The following FHIT variants were observed in gnomAD, a reference collection of about 807,000 sequenced individuals.
FHIT encodes fragile histidine triad diadenosine triphosphatase.
A neutral mutation model predicts 17.9 loss-of-function variants in FHIT; 19 were observed. The observed-to-expected ratio is 1.06, with a 90% CI of 0.74 to 1.56. FHIT has a LOEUF of 1.56. FHIT is among the 40% of genes most tolerant of loss of function. The pLI, the probability that FHIT is intolerant of heterozygous loss-of-function variation, is 0.00. For synonymous variants in FHIT, 81 were observed against 69.7 expected, an observed-to-expected ratio of 1.16 and a Z score of -0.81; for missense variants, 248 against 189.2, an observed-to-expected ratio of 1.31 and a Z score of -1.82.
At chr3:61,087,754 A>G (rs2035351214) in intron 2 of FHIT, among the ~76,000 whole-genome samples, 1 of 152,158 alleles carries the variant, frequency 6.6e-6, no homozygotes, top group Non-Finnish European at 1.5e-5. Context: ...AAGTAGATAC[A>G]GCCTTTATCA....
At chr3:60,732,949 G>C (rs1577133757) in intron 4 of FHIT, among the ~76,000 whole-genome samples, 1 of 152,268 alleles carries the variant, frequency 6.6e-6, no homozygotes, top group African/African-American at 2.4e-5. Context: ...GCATCCCAAA[G>C]TGCTGGGATT....
chr3:60,067,650 C>T lies in FHIT; in HGVS notation c.104-53498G>A, dbSNP rs994598736. On this transcript the variant is annotated intron_variant, in intron 5 of 9. Transcript: ENST00000492590. Reference sequence around the variant, plus strand: ...TGATCTGGGAAGACCTTGTATCTTGCGAAAGTCACTTCTACAGCAACTCAT... The same window carrying T: ...TGATCTGGGAAGACCTTGTATCTTGTGAAAGTCACTTCTACAGCAACTCAT... Among the ~76,000 whole-genome samples the T allele has an allele frequency of 6.6e-5, 10 of 152,212 alleles. No individual in the cohort carries two copies. The East Asian group carries it at 1.2e-3, about 18-fold the overall frequency.
chr3:60,426,412 T>C (rs148940035), intron 5 of FHIT, among the ~76,000 whole-genome samples: 250 of 152,160 alleles, frequency 1.6e-3, no homozygotes, highest in African/African-American at 5.8e-3. Flanking sequence ...ACGAATTCCC[T>C]CCCTACTGCT....
chr3:60,055,423 T>G (rs935518638), intron 5 of FHIT, among the ~76,000 whole-genome samples: 1 of 150,844 alleles, frequency 6.6e-6, no homozygotes, highest in African/African-American at 2.4e-5. Context: ...AGATGCCAAC[T>G]GACAAATGTA....
chr3:60,863,515 G>T (rs1433620932), intron 3 of FHIT, among the ~76,000 whole-genome samples: 1 of 152,122 alleles, frequency 6.6e-6, no homozygotes, highest in Non-Finnish European at 1.5e-5. Context: ...TAAGAAAATA[G>T]GTATTAAAGT....
intron 3 of FHIT, among the ~76,000 whole-genome samples, chr3:60,924,720 C>A (rs968254690): frequency 3.9e-5 from 6 of 152,002 alleles, no homozygotes; most frequent in Non-Finnish European, 5.9e-5. Context: ...ATGACTTTGA[C>A]GAGTTGAGAG....
intron 5 of FHIT, among the ~76,000 whole-genome samples, chr3:60,474,473 G>A (rs534139024): frequency 6.6e-6 from 1 of 152,118 alleles, no homozygotes; most frequent in Non-Finnish European, 1.5e-5. Flanking sequence ...AGTAGTTTTG[G>A]AGTGTTCTAG....
At chr3:61,011,357 A>G (rs951828575) in intron 3 of FHIT, among the ~76,000 whole-genome samples, 3 of 152,190 alleles carry the variant, frequency 2.0e-5, no homozygotes, top group African/African-American at 7.2e-5. Flanking sequence ...GCTCTCACAT[A>G]AAAATTGATC....
intron 5 of FHIT, among the ~76,000 whole-genome samples, chr3:60,521,456 C>G (rs542428077): frequency 6.6e-6 from 1 of 152,198 alleles, no homozygotes; most frequent in South Asian, 2.1e-4. Context: ...ACCGTGTTAG[C>G]CAGGATGGTC....
At chr3:61,105,213 C>A (rs2035955022) in intron 2 of FHIT, among the ~76,000 whole-genome samples, 2 of 150,906 alleles carry the variant, frequency 1.3e-5, no homozygotes, top group African/African-American at 4.8e-5. Flanking sequence ...TACCTTTAAT[C>A]TTTGAGGTTG....
rs12492390 is a variant in FHIT at position 60,194,885 on chromosome 3, G to C, written c.104-180733C>G. 4.1e-3 allele frequency among the ~76,000 whole-genome samples: 626 copies of C among 152,202 alleles called. 17 individuals carry two copies. The highest frequency in any genetic ancestry group is 0.037 in the Admixed American group (568 of 15,280). ...AATGCAAATTAAAACCACAGTGAGG[G>C]CTGGGTGCGGTGGCTCACACCTGTA... is the stretch of plus-strand genomic sequence containing the variant. On this transcript the variant is annotated intron_variant, in intron 5 of 9. Coordinates refer to ENST00000492590, the MANE Select transcript of FHIT (RefSeq NM_002012.4).
At chr3:60,889,158 T>A (rs939921532) in intron 3 of FHIT, among the ~76,000 whole-genome samples, 1 of 152,150 alleles carries the variant, frequency 6.6e-6, no homozygotes, top group Non-Finnish European at 1.5e-5. Context: ...CCACGCTGCA[T>A]AACCATTTTT....
intron 8 of FHIT, among the ~76,000 whole-genome samples, chr3:59,829,747 T>C (rs557425259): frequency 6.6e-6 from 1 of 152,208 alleles, no homozygotes; most frequent in South Asian, 2.1e-4. Context: ...ACTCTCCAGC[T>C]CTCTCTTATT....
chr3:60,792,156 TCA>T (rs1333306056), intron 4 of FHIT, among the ~76,000 whole-genome samples: 1 of 152,180 alleles, frequency 6.6e-6, no homozygotes, highest in Non-Finnish European at 1.5e-5. Flanking sequence ...CAAGACCTCC[TCA>T]CACTCCTCTT....
intron 5 of FHIT, among the ~76,000 whole-genome samples, chr3:60,271,311 G>A (rs1413615553): frequency 6.6e-6 from 1 of 152,146 alleles, no homozygotes; most frequent in East Asian, 1.9e-4. Context: ...GCTGAGGCAG[G>A]TGAATCGCTT....
chr3:59,943,366 A>G (rs1706629207), intron 7 of FHIT, among the ~76,000 whole-genome samples: 1 of 152,262 alleles, frequency 6.6e-6, no homozygotes, highest in African/African-American at 2.4e-5. Flanking sequence ...CTTTAAATAA[A>G]TCAGCAACGA....
At chr3:60,928,407 G>A (rs11130797) in intron 3 of FHIT, among the ~76,000 whole-genome samples, 38,325 of 149,576 alleles carry the variant, frequency 0.26, 5,982 homozygotes, top group East Asian at 0.61. Context: ...AATTAGCCAG[G>A]CATGGTGGAG....
chr3:60,347,919 C>A (rs762892630), intron 5 of FHIT, among the ~76,000 whole-genome samples: 2 of 151,912 alleles, frequency 1.3e-5, no homozygotes, highest in African/African-American at 4.8e-5. Flanking sequence ...CCACCATGCC[C>A]GGCTAATTTT....
At chr3:60,986,262 A>G (rs996936740) in intron 3 of FHIT, among the ~76,000 whole-genome samples, 3 of 152,174 alleles carry the variant, frequency 2.0e-5, no homozygotes, top group African/African-American at 4.8e-5. Flanking sequence ...TTGAAAACCA[A>G]TGAATTACTA....
Sources: gnomAD v4.1 joint callset for allele counts (sites outside exome capture counted in the v4.1 genomes callset) on GRCh38, gnomAD v4.1.1 for gene constraint, MANE v1.5 for transcripts, NCBI Gene and HGNC (gene_info 2026-07-23, HGNC 2026-07-21) for gene names.